The following ABTB3 variants were observed in gnomAD, a reference collection of about 807,000 sequenced individuals.
ABTB3 encodes the protein ankyrin repeat and BTB domain containing 3, also known as ankyrin repeat- and BTB/POZ domain-containing protein 3.
At chr12:107,534,174 C>A in the ABTB3 span, among the ~76,000 whole-genome samples, 1 of 150,272 alleles carries the variant, frequency 6.7e-6, no homozygotes, top group Non-Finnish European at 1.5e-5. Context: ...ATAGCCACTT[C>A]GTTCCAGCCT....
the ABTB3 span, among the ~76,000 whole-genome samples, chr12:107,573,535 C>T: frequency 1.3e-5 from 2 of 151,228 alleles, no homozygotes; most frequent in Non-Finnish European, 2.9e-5. Flanking sequence ...GGTGAGTGGA[C>T]AGATAGACAG....
the ABTB3 span, among the ~76,000 whole-genome samples, chr12:107,448,859 C>T: frequency 8.4e-4 from 128 of 152,320 alleles, no homozygotes; most frequent in African/African-American, 2.9e-3. Flanking sequence ...GCGTGAGCCA[C>T]CACACCTGGC....
chr12:107,519,349 G>GTC, the ABTB3 span, among the ~76,000 whole-genome samples: 1 of 122,802 alleles, frequency 8.1e-6, no homozygotes, highest in African/African-American at 3.2e-5. Flanking sequence ...TTTTTTGACA[G>GTC]TCTTGCTCTG....
At chr12:107,443,386 C>T in the ABTB3 span, among the ~76,000 whole-genome samples, 3 of 151,978 alleles carry the variant, frequency 2.0e-5, no homozygotes, top group Non-Finnish European at 2.9e-5. Flanking sequence ...GGATAGGTAC[C>T]TCCTTTGTTT....
At chr12:107,644,984 T>TTTTG in the ABTB3 span, among the ~76,000 whole-genome samples, 1 of 151,500 alleles carries the variant, frequency 6.6e-6, no homozygotes, top group Non-Finnish European at 1.5e-5. Flanking sequence ...TTTTTTTTTT[T>TTTTG]TTTTTTGAGA....
chr12:107,373,033 A>T, the ABTB3 span, among the ~76,000 whole-genome samples: 5 of 152,194 alleles, frequency 3.3e-5, no homozygotes, highest in African/African-American at 9.7e-5. Context: ...TCTACCCAGT[A>T]GCTGCCAGTA....
the ABTB3 span, among the ~76,000 whole-genome samples, chr12:107,471,277 A>G: frequency 1.3e-5 from 2 of 152,234 alleles, no homozygotes; most frequent in South Asian, 2.1e-4. Flanking sequence ...TGAAGTAACC[A>G]TCACAAGGCC....
the ABTB3 span, chr12:107,581,056 G>C: frequency 1.6e-5 from 24 of 1,542,916 alleles, no homozygotes; most frequent in Middle Eastern, 1.8e-4. Flanking sequence ...TCGGGAGATG[G>C]GGGGATCCCC....
the ABTB3 span, among the ~76,000 whole-genome samples, chr12:107,487,620 G>T: frequency 2.0e-5 from 3 of 152,128 alleles, 1 homozygote; most frequent in Non-Finnish European, 4.4e-5. Flanking sequence ...AATTCTGCCA[G>T]CACCAGGAAA....
At chr12:107,481,218 A>G in the ABTB3 span, among the ~76,000 whole-genome samples, 1 of 152,320 alleles carries the variant, frequency 6.6e-6, no homozygotes, top group South Asian at 2.1e-4. Context: ...AGCTGAGCAG[A>G]AACACTGGCC....
the ABTB3 span, among the ~76,000 whole-genome samples, chr12:107,360,031 C>T: frequency 1.3e-5 from 2 of 152,118 alleles, no homozygotes; most frequent in Admixed American, 1.3e-4. Context: ...GTGCCCACCA[C>T]GTGCCCAACT....
chr12:107,460,655 T>C, the ABTB3 span, among the ~76,000 whole-genome samples: 1 of 151,870 alleles, frequency 6.6e-6, no homozygotes, highest in East Asian at 1.9e-4. Context: ...TGAGACTCTC[T>C]GAAGAAAAAA....
chr12:107,514,379 G>A, the ABTB3 span, among the ~76,000 whole-genome samples: 3 of 152,200 alleles, frequency 2.0e-5, no homozygotes, highest in African/African-American at 7.2e-5. Context: ...CACACTCAAA[G>A]TAACAGAATT....
At chr12:107,380,008 C>T in the ABTB3 span, among the ~76,000 whole-genome samples, 3 of 152,170 alleles carry the variant, frequency 2.0e-5, no homozygotes, top group South Asian at 2.1e-4. Context: ...CACCTTCCAG[C>T]GGAACAGATT....
At chr12:107,329,320 GT>G in the ABTB3 span, among the ~76,000 whole-genome samples, 7,528 of 152,292 alleles carry the variant, frequency 0.049, 267 homozygotes, top group Middle Eastern at 0.088. Context: ...GGGCAAGTCA[GT>G]TCATCTTTCC....
At chr12:107,505,935 T>C in the ABTB3 span, among the ~76,000 whole-genome samples, 2 of 152,236 alleles carry the variant, frequency 1.3e-5, no homozygotes, top group South Asian at 4.1e-4. Flanking sequence ...AGTCTACCAC[T>C]GATGGGCATT....
the ABTB3 span, among the ~76,000 whole-genome samples, chr12:107,323,626 A>G: frequency 6.6e-6 from 1 of 152,182 alleles, no homozygotes; most frequent in Non-Finnish European, 1.5e-5. Context: ...AGGAGGGGGC[A>G]GAAGTACTTC....
At chr12:107,561,477 G>A in the ABTB3 span, among the ~76,000 whole-genome samples, 1 of 152,010 alleles carries the variant, frequency 6.6e-6, no homozygotes, top group Non-Finnish European at 1.5e-5. Context: ...TAAAAAGTCC[G>A]ATCTAACAGA....
At chr12:107,418,313 C>T in the ABTB3 span, among the ~76,000 whole-genome samples, 6 of 152,198 alleles carry the variant, frequency 3.9e-5, no homozygotes, top group Non-Finnish European at 8.8e-5. Flanking sequence ...CTTTGGGACT[C>T]GGACTGGCTT....
Sources: gnomAD v4.1 joint callset for allele counts (sites outside exome capture counted in the v4.1 genomes callset) on GRCh38, gnomAD v4.1.1 for gene constraint, MANE v1.5 for transcripts, NCBI Gene and HGNC (gene_info 2026-07-23, HGNC 2026-07-21) for gene names.